ARID1B: variants seen among roughly 807,000 people sequenced by gnomAD.
ARID1B encodes AT-rich interactive domain-containing protein 1B.
In ARID1B, 30 loss-of-function variants were observed where a neutral mutation model predicts 212.3. That is an observed-to-expected ratio of 0.14 (90% CI 0.11 to 0.19). ARID1B has a LOEUF of 0.19. Ranked by LOEUF, ARID1B falls within the 10% of genes least tolerant of loss-of-function variation. ARID1B has a pLI of 1.00. For missense variants in ARID1B, 2,891 were observed against 3,204.0 expected (o/e 0.90, Z 2.36); for synonymous variants, 1,402 against 1,301.7 (o/e 1.08, Z -1.66).
intron 3 of ARID1B, among the ~76,000 whole-genome samples, chr6:156,907,218 T>C (rs1380969844): frequency 6.6e-6 from 1 of 152,194 alleles, no homozygotes; most frequent in Non-Finnish European, 1.5e-5. Context: ...TTTCTTTTCT[T>C]TCTTTTCTCT....
At chr6:156,901,590 C>A (rs1788947261) in intron 3 of ARID1B, 65 bp downstream of exon 3, 35 of 1,528,686 alleles carry the variant, frequency 2.3e-5, no homozygotes, top group Admixed American at 4.3e-5. Context: ...GGCTCTGAAT[C>A]ATCTTCCTGT....
chr6:156,879,555 A>C (rs141556130), intron 2 of ARID1B, among the ~76,000 whole-genome samples: 2 of 152,380 alleles, frequency 1.3e-5, no homozygotes, highest in East Asian at 3.9e-4. Flanking sequence ...GCACTTTAAA[A>C]GATTACAACA....
intron 2 of ARID1B, among the ~76,000 whole-genome samples, chr6:156,881,789 T>C (rs138704026): frequency 3.9e-5 from 6 of 152,298 alleles, no homozygotes; most frequent in African/African-American, 1.4e-4. Context: ...TTTAACTTCC[T>C]CCCCATGGCT....
chr6:156,928,340 G>C (rs1293052152), intron 3 of ARID1B, among the ~76,000 whole-genome samples: 2 of 152,192 alleles, frequency 1.3e-5, no homozygotes, highest in Non-Finnish European at 2.9e-5. Flanking sequence ...GATGATTTGG[G>C]CTTTGGTGAT....
At chr6:156,906,834 G>A (rs1789434765) in intron 3 of ARID1B, among the ~76,000 whole-genome samples, 2 of 152,234 alleles carry the variant, frequency 1.3e-5, no homozygotes, top group South Asian at 4.1e-4. Flanking sequence ...TTCAAAAAGA[G>A]CTGCTGTATT....
At chr6:157,102,604 CTTTTTTTTTTT>C (rs35977420) in intron 5 of ARID1B, among the ~76,000 whole-genome samples, 6 of 66,252 alleles carry the variant, frequency 9.1e-5, no homozygotes, top group Admixed American at 2.1e-4. Flanking sequence ...CTGAGTGGTT[CTTTTTTTTTTT>C]TTTTTTTTTT....
At chr6:156,935,734 G>A (rs775146687) in intron 4 of ARID1B, 158 bp downstream of exon 4, 1 of 609,470 alleles carries the variant, frequency 1.6e-6, no homozygotes, top group Non-Finnish European at 2.8e-6. Flanking sequence ...TACCTTTTAG[G>A]AGCTCTGTAG....
At position 156,864,997 on chromosome 6, in the gene ARID1B, ACTGT is replaced by A. The variant is rs1373463218; in HGVS notation, c.1986+35583_1986+35586del. ...CCCTTTAGAATCTCAATCGGTTATA[ACTGT>A]CTGTCTCTCCTTGTAAGATGTTTAG... On this transcript the variant is annotated intron_variant, in intron 2 of 19. Coordinates refer to ENST00000636930, the MANE Select transcript of ARID1B (RefSeq NM_001374828.1). 3.9e-5 allele frequency among the ~76,000 whole-genome samples: 6 copies of A among 152,238 alleles called. No individual in the cohort carries two copies. In the East Asian group the frequency reaches 9.6e-4, roughly 24 times the overall value.
At chr6:156,838,862 C>G (rs1317616411) in intron 2 of ARID1B, among the ~76,000 whole-genome samples, 3 of 152,074 alleles carry the variant, frequency 2.0e-5, no homozygotes, top group African/African-American at 7.2e-5. Flanking sequence ...TCTGTGACCT[C>G]AGATACTCTC....
At chr6:157,144,282 T>C (rs1789569605) in intron 7 of ARID1B, among the ~76,000 whole-genome samples, 1 of 152,212 alleles carries the variant, frequency 6.6e-6, no homozygotes. Flanking sequence ...ACCTTCTTTC[T>C]CTAATAAAAC....
chr6:156,840,460 A>G (rs1006084753), intron 2 of ARID1B, among the ~76,000 whole-genome samples: 2 of 152,242 alleles, frequency 1.3e-5, no homozygotes, highest in African/African-American at 4.8e-5. Context: ...AGAGCCGTAC[A>G]TGGCATTTCA....
intron 8 of ARID1B, among the ~76,000 whole-genome samples, chr6:157,153,294 AC>A (rs1243019917): frequency 6.6e-6 from 1 of 152,192 alleles, no homozygotes; most frequent in African/African-American, 2.4e-5. Context: ...TTGTTCACGT[AC>A]TAGATTCACT....
intron 8 of ARID1B, chr6:157,149,171 G>C: frequency 1.7e-6 from 1 of 577,306 alleles, no homozygotes; most frequent in Non-Finnish European, 3.1e-6. Context: ...AATGTGAGCG[G>C]TGAGCACATC....
Position 157,207,985 on chromosome 6 carries a change from G to C in ARID1B, c.*94G>C, listed in dbSNP as rs1440616433. The C allele has an allele frequency of 1.7e-5, 23 of 1,325,690 alleles. No individual in the cohort carries two copies. Among genetic ancestry groups the C allele is most frequent in the Admixed American group, 1.6e-4 (6 of 37,314 alleles). 82.1% of individuals were successfully genotyped at this position (1,325,690 alleles called of 1,614,324 possible). ...CTTGTTTATCCAGCGTAGGAAGAAG[G>C]AAAAGAAAATCTTTGCTCCTCTGCC... is the stretch of plus-strand genomic sequence containing the variant. On this transcript the variant is annotated 3_prime_UTR_variant, in exon 20 of 20. Coordinates refer to ENST00000636930, the MANE Select transcript of ARID1B (RefSeq NM_001374828.1). This position sits in a 1 kb window ranked among gnomAD's most constrained non-coding sequence, Gnocchi z 8.5.
chr6:156,986,391 T>C (rs1037078456), intron 4 of ARID1B, among the ~76,000 whole-genome samples: 5 of 152,208 alleles, frequency 3.3e-5, no homozygotes, highest in Non-Finnish European at 7.3e-5. Context: ...GCTTTTTAAG[T>C]CTCCAAAGTT....
At chr6:157,021,603 ACTC>A (rs1013207685) in intron 4 of ARID1B, among the ~76,000 whole-genome samples, 2 of 151,820 alleles carry the variant, frequency 1.3e-5, no homozygotes, top group African/African-American at 4.8e-5. Context: ...ACAGGCTCGG[ACTC>A]CTCCGACGGC....
At chr6:157,195,554 C>G (rs867943919) in intron 15 of ARID1B, 1 of 152,286 alleles carries the variant, frequency 6.6e-6, no homozygotes, top group South Asian at 2.1e-4. Flanking sequence ...TCTGTTAAGC[C>G]CCTTTTGCCA....
In ARID1B at chr6:157,010,621, G is replaced by GTT. The variant is rs534997809; in HGVS notation, c.2248-74030_2248-74029dup. Among the ~76,000 whole-genome samples, 111 of 135,936 alleles carry GTT rather than the reference G, an allele frequency of 8.2e-4. 1 individual carries two copies. The highest frequency in any genetic ancestry group is 2.5e-3 in the African/African-American group (94 of 37,398). The allele number at this position is 135,936 out of a possible 152,430, so 89.2% of individuals were successfully genotyped here. A position where few individuals can be genotyped will look rare whatever the true frequency, so the allele number is the denominator to read the frequency against. On this transcript the variant is annotated intron_variant, in intron 4 of 19. Transcript: ENST00000636930. ...AGGCGTGAGCCACCATGCCCGGCCT[G>GTT]TTTTTTTTTTTTGCTTTGTTTTGTT...
intron 8 of ARID1B, among the ~76,000 whole-genome samples, chr6:157,162,368 G>A (rs188024850): frequency 3.0e-3 from 453 of 152,286 alleles, no homozygotes; most frequent in Non-Finnish European, 5.6e-3. Context: ...GGAAATAGTC[G>A]CTTGAAAACT....
Sources: gnomAD v4.1 joint callset for allele counts (sites outside exome capture counted in the v4.1 genomes callset) on GRCh38, gnomAD v4.1.1 for gene constraint, Gnocchi (gnomAD v3.1) non-coding constraint, MANE v1.5 for transcripts, NCBI Gene and HGNC (gene_info 2026-07-23, HGNC 2026-07-21) for gene names.